The following CDH4 variants were observed in gnomAD, a reference collection of about 807,000 sequenced individuals.
CDH4 encodes cadherin 4, also known as cadherin-4.
Under a neutral mutation model 86.0 loss-of-function variants are expected in CDH4, and 33 were observed. That is an observed-to-expected ratio of 0.38 (90% confidence interval 0.29 to 0.51). The LOEUF is 0.51. Among genes scored for constraint, CDH4 ranks in the 20% least tolerant of loss-of-function variants. CDH4 has a pLI of 0.86. For synonymous variants in CDH4, 555 were observed against 549.4 expected (o/e 1.01, Z -0.14); for missense variants, 1,114 against 1,307.4 (o/e 0.85, Z 2.28).
At chr20:61,757,106 C>T (rs149331116) in intron 3 of CDH4, among the ~76,000 whole-genome samples, 65 of 152,288 alleles carry the variant, frequency 4.3e-4, no homozygotes, top group African/African-American at 1.4e-3. Flanking sequence ...ATAACCTCCA[C>T]GCTCCTGCAA....
At chr20:61,522,780 GGT>G (rs1311800987) in intron 2 of CDH4, among the ~76,000 whole-genome samples, 1 of 152,208 alleles carries the variant, frequency 6.6e-6, no homozygotes, top group Non-Finnish European at 1.5e-5. Context: ...GCCCGGTGCC[GGT>G]GTGGCCTTAT....
intron 4 of CDH4, among the ~76,000 whole-genome samples, chr20:61,786,572 G>C (rs1179440448): frequency 6.6e-6 from 1 of 152,080 alleles, no homozygotes; most frequent in Non-Finnish European, 1.5e-5. Flanking sequence ...TGCTTTAATG[G>C]CTATATTTAC....
chr20:61,928,119 C>T, intron 11 of CDH4, 71 bp from the exon 12 acceptor site: 1 of 1,157,388 alleles, frequency 8.6e-7, no homozygotes, highest in Non-Finnish European at 1.3e-6. Flanking sequence ...TGTGCGTGTC[C>T]TGTGTGGAGC....
Position 61,653,647 on chromosome 20 carries a change from A to G in CDH4, c.170-89916A>G, listed in dbSNP as rs1383822814. ...CCCAGACGGGGTGGCTGCCGGGCTG[A>G]GGGGCTCCTCACTTCTCAGACAGGG... On this transcript the variant is annotated intron_variant, in intron 2 of 15. Transcript: ENST00000614565. Among the ~76,000 whole-genome samples the G allele has an allele frequency of 2.0e-5, 2 of 98,818 alleles. 1 individual carries two copies. The highest frequency in any genetic ancestry group is 5.1e-5 in the Non-Finnish European group (2 of 39,304). The allele number at this position is 98,818 out of a possible 152,430, so 64.8% of individuals were successfully genotyped here. A position where few individuals can be genotyped will look rare whatever the true frequency, so the allele number is the denominator to read the frequency against.
intron 2 of CDH4, among the ~76,000 whole-genome samples, chr20:61,403,562 T>A (rs1382967904): frequency 1.3e-5 from 2 of 152,158 alleles, no homozygotes; most frequent in African/African-American, 4.8e-5. Context: ...CAAATCATCG[T>A]GGAAAACATG....
chr20:61,926,905 A>G lies in CDH4; in HGVS notation c.1772-1285A>G, dbSNP rs147004070. ...AAAAAAAAGAAAGAAAGTGATTGTG[A>G]GGCCGCAGCTGGAACATCGGAGCGT... On this transcript the variant is annotated intron_variant, in intron 11 of 15. Transcript: ENST00000614565. Among the ~76,000 whole-genome samples, 194 of 152,292 alleles carry G rather than the reference A, an allele frequency of 1.3e-3. 1 individual carries two copies. Among genetic ancestry groups the G allele is most frequent in the Non-Finnish European group, 2.4e-3 (163 of 68,028 alleles).
intron 5 of CDH4, among the ~76,000 whole-genome samples, chr20:61,846,845 C>T (rs751974037): frequency 1.3e-5 from 2 of 151,194 alleles, no homozygotes; most frequent in Non-Finnish European, 2.9e-5. Flanking sequence ...TGTGGGTGCT[C>T]GCTGGGGCAT....
At chr20:61,448,330 G>A (rs1021684196) in intron 2 of CDH4, among the ~76,000 whole-genome samples, 1 of 152,326 alleles carries the variant, frequency 6.6e-6, no homozygotes, top group South Asian at 2.1e-4. Flanking sequence ...CTTCCAGACC[G>A]GAAAGGTATT....
At chr20:61,292,692 A>G (rs1388881954) in intron 2 of CDH4, among the ~76,000 whole-genome samples, 1 of 152,242 alleles carries the variant, frequency 6.6e-6, no homozygotes, top group Non-Finnish European at 1.5e-5. Context: ...CGCACAGCGC[A>G]CTCACGCCCT....
intron 2 of CDH4, among the ~76,000 whole-genome samples, chr20:61,569,593 T>G (rs2086326780): frequency 6.6e-6 from 1 of 152,250 alleles, no homozygotes; most frequent in Non-Finnish European, 1.5e-5. Flanking sequence ...ATACTTTAAC[T>G]ACAATGCAAT....
intron 3 of CDH4, among the ~76,000 whole-genome samples, chr20:61,763,695 C>G (rs1379873748): frequency 6.6e-6 from 1 of 152,128 alleles, no homozygotes; most frequent in Non-Finnish European, 1.5e-5. Flanking sequence ...CTGGGAGTTT[C>G]TGCATGGAAG....
rs181851238 is a variant in CDH4 at position 61,560,382 on chromosome 20, T to C, written c.170-183181T>C. On this transcript the variant is annotated intron_variant, in intron 2 of 15. Transcript: ENST00000614565. Reference sequence around the variant, plus strand: ...AACCTAGCAAATATTCTTCTGGGCATGTGACTCGCAACCATTGTTTGAGGA... The same window carrying C: ...AACCTAGCAAATATTCTTCTGGGCACGTGACTCGCAACCATTGTTTGAGGA... 9.8e-4 allele frequency among the ~76,000 whole-genome samples: 150 copies of C among 152,380 alleles called. 1 individual carries two copies. Among genetic ancestry groups the C allele is most frequent in the African/African-American group, 2.9e-3 (119 of 41,592 alleles).
chr20:61,505,709 G>A (rs992735575), intron 2 of CDH4, among the ~76,000 whole-genome samples: 7 of 143,666 alleles, frequency 4.9e-5, no homozygotes, highest in Admixed American at 2.0e-4. Context: ...AGCCACAGTC[G>A]CTCACTGCAA....
At chr20:61,899,146 TA>T (rs966857016) in intron 8 of CDH4, among the ~76,000 whole-genome samples, 1 of 151,098 alleles carries the variant, frequency 6.6e-6, no homozygotes, top group Admixed American at 6.6e-5. Context: ...ATATATATTT[TA>T]AAAAAAAATT....
chr20:61,507,120 T>C (rs996759951), intron 2 of CDH4, among the ~76,000 whole-genome samples: 3 of 152,242 alleles, frequency 2.0e-5, no homozygotes, highest in Non-Finnish European at 4.4e-5. Flanking sequence ...TAGCAGAATG[T>C]AGTTTCTTGA....
intron 2 of CDH4, among the ~76,000 whole-genome samples, chr20:61,384,056 G>C (rs980085920): frequency 2.0e-5 from 3 of 151,942 alleles, no homozygotes; most frequent in Non-Finnish European, 4.4e-5. Flanking sequence ...AGGCTGAGAG[G>C]CTAGGCCAGT....
At chr20:61,353,693 TCC>T (rs1568810425) in intron 2 of CDH4, among the ~76,000 whole-genome samples, 1 of 22,088 alleles carries the variant, frequency 4.5e-5, no homozygotes, top group Non-Finnish European at 7.9e-5. Flanking sequence ...CCCCTCCTCC[TCC>T]CCTCCTCCTC....
intron 2 of CDH4, among the ~76,000 whole-genome samples, chr20:61,604,991 A>C (rs967613389): frequency 6.6e-6 from 1 of 152,218 alleles, no homozygotes; most frequent in Non-Finnish European, 1.5e-5. Context: ...GTCTGGGTGA[A>C]ATGGTTCCAT....
At chr20:61,366,817 A>G (rs918380648) in intron 2 of CDH4, among the ~76,000 whole-genome samples, 4 of 152,212 alleles carry the variant, frequency 2.6e-5, no homozygotes, top group East Asian at 1.9e-4. Flanking sequence ...AGTGCTGCAG[A>G]GATTTTGTTT....
Sources: gnomAD v4.1 joint callset for allele counts (sites outside exome capture counted in the v4.1 genomes callset) on GRCh38, gnomAD v4.1.1 for gene constraint, MANE v1.5 for transcripts, NCBI Gene and HGNC (gene_info 2026-07-23, HGNC 2026-07-21) for gene names.